KLB: variants seen among roughly 807,000 people sequenced by gnomAD.
KLB encodes beta-klotho.
A neutral mutation model predicts 88.4 loss-of-function variants in KLB; 44 were observed. That is an observed-to-expected ratio of 0.50 (90% CI 0.39 to 0.64). KLB has a LOEUF of 0.64. Ranked by LOEUF, KLB falls within the 30% of genes least tolerant of loss-of-function variation. KLB has a pLI of 0.00. For synonymous variants in KLB, 548 were observed against 513.4 expected, an observed-to-expected ratio of 1.07 and a Z score of -0.91; for missense variants, 1,137 against 1,304.8, an observed-to-expected ratio of 0.87 and a Z score of 1.98.
At chr4:39,433,022 G>C (rs1181358151) in intron 1 of KLB, among the ~76,000 whole-genome samples, 1 of 152,024 alleles carries the variant, frequency 6.6e-6, no homozygotes, top group African/African-American at 2.4e-5. Context: ...TGGGATTACA[G>C]GTGCCTGCCA....
intron 3 of KLB, among the ~76,000 whole-genome samples, chr4:39,445,780 C>A (rs896639261): frequency 1.3e-5 from 2 of 151,684 alleles, no homozygotes; most frequent in African/African-American, 4.8e-5. Context: ...CCTCAGCCTC[C>A]CAAAGTGCTA....
intron 3 of KLB, among the ~76,000 whole-genome samples, chr4:39,443,049 A>G (rs1032256452): frequency 2.0e-5 from 3 of 152,192 alleles, no homozygotes; most frequent in African/African-American, 7.2e-5. Context: ...GTCCAGGCCA[A>G]CTGCTTGTAG....
intron 1 of KLB, among the ~76,000 whole-genome samples, chr4:39,416,770 A>G (rs1235990847): frequency 6.6e-6 from 1 of 152,198 alleles, no homozygotes; most frequent in Non-Finnish European, 1.5e-5. Context: ...TGACAGGGTG[A>G]GACCCTGTCT....
intron 2 of KLB, among the ~76,000 whole-genome samples, chr4:39,437,057 A>G (rs1416906203): frequency 2.0e-5 from 3 of 152,196 alleles, no homozygotes; most frequent in African/African-American, 7.2e-5. Flanking sequence ...AAGTTACTGA[A>G]TCAGAGTTTT....
chr4:39,409,740 A>G (rs1742800132), intron 1 of KLB, among the ~76,000 whole-genome samples: 1 of 151,648 alleles, frequency 6.6e-6, no homozygotes. Context: ...AGCCTCGCCA[A>G]CATAGTGAAA....
chr4:39,419,036 A>C (rs1743023001), intron 1 of KLB, among the ~76,000 whole-genome samples: 1 of 152,058 alleles, frequency 6.6e-6, no homozygotes. Context: ...TGAATAAATT[A>C]TGAAAACTGC....
intron 3 of KLB, among the ~76,000 whole-genome samples, chr4:39,440,685 G>A (rs574478130): frequency 1.3e-5 from 2 of 152,022 alleles, no homozygotes; most frequent in Non-Finnish European, 2.9e-5. Context: ...AGCCTCCTGA[G>A]TAGCTGGGAT....
chr4:39,406,954 A>G lies in KLB; in HGVS notation c.5A>G (p.Lys2Arg), dbSNP rs1742740244. ...CAGTCCAGCAGTTGGTGGCAAATGA[A>G]GCCAGGCTGTGCGGCAGGATCTCCA... MKPGCAAGSPGN... is the reference protein window; with the variant it reads MRPGCAAGSPGN... Residue 2 changes from lysine to arginine, a missense_variant, in exon 1 of 5, where the codon AAG (lysine) becomes AGG (arginine). By Grantham distance (26) the Lys-to-Arg change is conservative. Coordinates refer to ENST00000257408, the MANE Select transcript of KLB (RefSeq NM_175737.4). The G allele has an allele frequency of 3.1e-6, 5 of 1,605,904 alleles. No individual in the cohort carries two copies. Among genetic ancestry groups the G allele is most frequent in the Admixed American group, 1.7e-5 (1 of 59,526 alleles).
intron 1 of KLB, among the ~76,000 whole-genome samples, chr4:39,425,351 C>A (rs959908652): frequency 6.6e-6 from 1 of 152,170 alleles, no homozygotes; most frequent in Non-Finnish European, 1.5e-5. Context: ...TTTAAAGGAA[C>A]AAATATGCTA....
intron 1 of KLB, among the ~76,000 whole-genome samples, chr4:39,412,394 G>GCC (rs140329312): frequency 1.3e-5 from 2 of 151,690 alleles, no homozygotes; most frequent in African/African-American, 2.4e-5. Context: ...TCCATTAGTG[G>GCC]CCCCCCCAAG....
intron 1 of KLB, among the ~76,000 whole-genome samples, chr4:39,416,125 A>ACT (rs1361331371): frequency 2.0e-5 from 3 of 152,030 alleles, no homozygotes; most frequent in Non-Finnish European, 4.4e-5. Context: ...ACACACACAC[A>ACT]CACACACACA....
intron 1 of KLB, among the ~76,000 whole-genome samples, chr4:39,414,316 AAAC>A (rs1298706223): frequency 3.3e-5 from 5 of 152,088 alleles, no homozygotes; most frequent in Non-Finnish European, 7.4e-5. Flanking sequence ...AAAAAAAAAA[AAAC>A]AGTGCTTTTA....
At position 39,447,672 on chromosome 4, in the gene KLB, A is replaced by C. The variant is rs565839670; in HGVS notation, c.2749+197A>C. Among the ~76,000 whole-genome samples, 3 of 152,304 alleles carry C rather than the reference A, an allele frequency of 2.0e-5. No homozygotes were observed. The South Asian group carries it at 6.2e-4, about 32-fold the overall frequency. ...TAAAATCATAAAAGTAACACACACC[A>C]ATTATAGAAAACTGGGCACGTGGAG... On this transcript the variant is annotated intron_variant, in intron 4 of 4. Coordinates refer to ENST00000257408, the MANE Select transcript of KLB (RefSeq NM_175737.4).
In KLB at chr4:39,448,618, AG is replaced by A; in HGVS notation, c.3068del (p.Arg1023LysfsTer14). On this transcript the variant is annotated frameshift_variant, in exon 5 of 5. Transcript: ENST00000257408. LOFTEE classifies it high-confidence loss of function. ...SIAIFQRQKR[R>X]KFWKAKNLQH... The stretch of plus-strand genomic sequence containing the variant: ...TGCCATTTTTCAAAGGCAGAAGAGA[AG>A]AAAGTTTTGGAAAGCAAAAAACTTA... The A allele has an allele frequency of 6.2e-7, 1 of 1,613,912 alleles. No individual in the cohort carries two copies. The highest frequency in any genetic ancestry group is 8.5e-7 in the Non-Finnish European group (1 of 1,180,008).
rs137986619 is a variant in KLB at position 39,411,809 on chromosome 4, G to A, written c.825+4035G>A. ...GAGACCAACCTGGGCAACATAGCAAGACCCCCTTCTCTATTTAAAGAAAAA... is the reference window on the plus strand; with the variant it reads ...GAGACCAACCTGGGCAACATAGCAAAACCCCCTTCTCTATTTAAAGAAAAA... On this transcript the variant is annotated intron_variant, in intron 1 of 4. Transcript: ENST00000257408. 899 of 152,106 alleles carry A rather than the reference G, an allele frequency of 5.9e-3. 10 individuals are homozygous for A. The highest frequency in any genetic ancestry group is 0.021 in the African/African-American group (851 of 41,452). 9.4% of individuals were successfully genotyped at this position (152,106 alleles called of 1,614,324 possible). A position where few individuals can be genotyped will look rare whatever the true frequency, so the allele number is the denominator to read the frequency against.
At chr4:39,413,568 T>TA (rs534990843) in intron 1 of KLB, among the ~76,000 whole-genome samples, 87 of 151,328 alleles carry the variant, frequency 5.7e-4, no homozygotes, top group African/African-American at 2.0e-3. Context: ...CTACAAAAAA[T>TA]AAAAAATCAG....
At chr4:39,425,354 A>T (rs1433415020) in intron 1 of KLB, among the ~76,000 whole-genome samples, 1 of 152,268 alleles carries the variant, frequency 6.6e-6, no homozygotes, top group East Asian at 1.9e-4. Context: ...AAAGGAACAA[A>T]TATGCTAGAG....
At chr4:39,414,589 G>A (rs1000974591) in intron 1 of KLB, among the ~76,000 whole-genome samples, 2 of 151,254 alleles carry the variant, frequency 1.3e-5, no homozygotes, top group Non-Finnish European at 2.9e-5. Flanking sequence ...AGCAAAATTC[G>A]GCCAGGTGTG....
intron 1 of KLB, among the ~76,000 whole-genome samples, chr4:39,418,121 T>C (rs999397558): frequency 6.6e-6 from 1 of 152,230 alleles, no homozygotes; most frequent in African/African-American, 2.4e-5. Context: ...GAACCATTTA[T>C]CCCCTGACTC....
Sources: allele counts gnomAD v4.1 joint callset (sites outside exome capture counted in the v4.1 genomes callset), GRCh38; gene constraint gnomAD v4.1.1; transcripts MANE v1.5; gene names NCBI Gene and HGNC (gene_info 2026-07-23, HGNC 2026-07-21).